The following MEF2C variants were observed in gnomAD, a reference collection of about 807,000 sequenced individuals.
MEF2C encodes myocyte-specific enhancer factor 2C.
Under a neutral mutation model 50.5 loss-of-function variants are expected in MEF2C, and 6 were observed. That is an observed-to-expected ratio of 0.12 (90% confidence interval 0.07 to 0.23). The LOEUF (loss-of-function observed/expected upper bound fraction) is 0.23. Among genes scored for constraint, MEF2C ranks in the 10% least tolerant of loss-of-function variants. The probability of loss-of-function intolerance (pLI) is 1.00; values close to 1 mark genes in which losing one functional copy is unlikely to be tolerated. For missense variants in MEF2C, 276 were observed against 605.0 expected (o/e 0.46, Z 5.70); for synonymous variants, 183 against 228.0 (o/e 0.80, Z 1.78).
At position 88,719,939 on chromosome 5, in the gene MEF2C, A is replaced by C. The variant is rs1276196053; in HGVS notation, c.*2665T>G. The C allele has an allele frequency of 6.6e-6, 1 of 152,170 alleles. No individual in the cohort carries two copies. Among genetic ancestry groups the C allele is most frequent in the Non-Finnish European group, 1.5e-5 (1 of 68,014 alleles). 9.4% of individuals were successfully genotyped at this position (152,170 alleles called of 1,614,324 possible). On this transcript the variant is annotated 3_prime_UTR_variant, in exon 11 of 11. Transcript: ENST00000504921. ...AAGGCTTCTGCTGGTACTTTAGCTTACTTTATCTTCAGCATTAAAAATTCA... is the reference window on the plus strand; with the variant it reads ...AAGGCTTCTGCTGGTACTTTAGCTTCCTTTATCTTCAGCATTAAAAATTCA...
intron 10 of MEF2C, 114 bp from the exon 11 acceptor site, chr5:88,723,039 G>A: frequency 1.0e-6 from 1 of 968,258 alleles, no homozygotes; most frequent in Non-Finnish European, 1.5e-6. Flanking sequence ...AGCATGCCCA[G>A]AGTGAAGAAA....
chr5:88,755,575 G>A (rs1305799752), intron 4 of MEF2C, among the ~76,000 whole-genome samples: 1 of 152,178 alleles, frequency 6.6e-6, no homozygotes, highest in African/African-American at 2.4e-5. Flanking sequence ...ATCTACACTG[G>A]AGTGTCTCAG....
intron 1 of MEF2C, among the ~76,000 whole-genome samples, chr5:88,892,583 G>A (rs1834709156): frequency 6.6e-6 from 1 of 152,220 alleles, no homozygotes; most frequent in South Asian, 2.1e-4. Flanking sequence ...TACCTTGGAA[G>A]AGGTAAAATG....
intron 1 of MEF2C, among the ~76,000 whole-genome samples, chr5:88,828,088 T>C (rs996057102): frequency 2.0e-5 from 3 of 151,976 alleles, no homozygotes; most frequent in Non-Finnish European, 2.9e-5. Flanking sequence ...GGAAATGGCA[T>C]TCTACATAAG....
chr5:88,756,534 C>G (rs1270779434), intron 4 of MEF2C, among the ~76,000 whole-genome samples: 1 of 152,166 alleles, frequency 6.6e-6, no homozygotes, highest in African/African-American at 2.4e-5. Flanking sequence ...GCCTTTCTAT[C>G]AGGAATCTCA....
intron 1 of MEF2C, among the ~76,000 whole-genome samples, chr5:88,835,381 T>C (rs1814671980): frequency 6.6e-6 from 1 of 152,182 alleles, no homozygotes; most frequent in African/African-American, 2.4e-5. Flanking sequence ...TCTCACAGTA[T>C]TGGAAATATT....
chr5:88,731,812 G>C lies in MEF2C; in HGVS notation c.727C>G (p.Pro243Ala), dbSNP rs763969325. ...NKNMQAKSPPPMNLGMNNRKP... is the reference protein window; with the variant it reads ...NKNMQAKSPPAMNLGMNNRKP... The stretch of plus-strand genomic sequence containing the variant: ...CGGTTATTCATTCCTAAATTCATTG[G>C]GGGAGGAGATTTTGCTTGCATATTC... Residue 243 changes from proline to alanine, a missense_variant, in exon 7 of 11, where the codon CCA (proline) becomes GCA (alanine). By Grantham distance (27) the Pro-to-Ala change is conservative. Transcript: ENST00000504921. 5 of 1,613,340 alleles carry C rather than the reference G, an allele frequency of 3.1e-6. No individual in the cohort carries two copies. The highest frequency in any genetic ancestry group is 4.2e-6 in the Non-Finnish European group (5 of 1,179,516).
chr5:88,882,239 G>A (rs932541732), intron 1 of MEF2C, among the ~76,000 whole-genome samples: 2 of 152,148 alleles, frequency 1.3e-5, no homozygotes, highest in Non-Finnish European at 2.9e-5. Flanking sequence ...CCAAAGAGAA[G>A]GCAATTTAAG....
intron 10 of MEF2C, among the ~76,000 whole-genome samples, chr5:88,726,395 G>T (rs1346232771): frequency 6.6e-6 from 1 of 152,090 alleles, no homozygotes; most frequent in Non-Finnish European, 1.5e-5. Context: ...AAGTATTGCA[G>T]CTTGGGATTT....
At chr5:88,864,827 C>T (rs1009999860) in intron 1 of MEF2C, among the ~76,000 whole-genome samples, 2 of 150,582 alleles carry the variant, frequency 1.3e-5, no homozygotes, top group South Asian at 2.1e-4. Context: ...AGTGCAATGG[C>T]GCAATCTCGG....
At chr5:88,832,089 C>T (rs1441984656) in intron 1 of MEF2C, among the ~76,000 whole-genome samples, 1 of 152,110 alleles carries the variant, frequency 6.6e-6, no homozygotes, top group African/African-American at 2.4e-5. Context: ...GCTCCAGACA[C>T]AGTGTGTCAA....
At chr5:88,876,993 A>G (rs1253830186) in intron 1 of MEF2C, among the ~76,000 whole-genome samples, 1 of 152,020 alleles carries the variant, frequency 6.6e-6, no homozygotes, top group African/African-American at 2.4e-5. Flanking sequence ...TCTAAAAACA[A>G]GTTTTGGGTA....
At chr5:88,786,009 T>TC (rs1790698808) in intron 3 of MEF2C, among the ~76,000 whole-genome samples, 13 of 152,160 alleles carry the variant, frequency 8.5e-5, no homozygotes, top group Admixed American at 8.5e-4. Flanking sequence ...CGCCTATTCC[T>TC]CTCCATTTTC....
intron 6 of MEF2C, chr5:88,736,099 C>A: frequency 1.0e-6 from 1 of 985,380 alleles, no homozygotes; most frequent in Non-Finnish European, 1.2e-6. Context: ...ATCTCCATAT[C>A]CAATGAGATA....
At chr5:88,783,590 A>G (rs1027273315) in intron 3 of MEF2C, among the ~76,000 whole-genome samples, 5 of 152,170 alleles carry the variant, frequency 3.3e-5, no homozygotes, top group African/African-American at 1.2e-4. Flanking sequence ...AGATCACGCC[A>G]TTGCACTCCA....
At chr5:88,883,556 G>A (rs2150138176), upstream of MEF2C, 1 of 152,100 alleles carries the variant, frequency 6.6e-6, no homozygotes, top group South Asian at 2.1e-4. Flanking sequence ...GGGGTGGTAG[G>A]GAAGACGGAG....
chr5:88,741,214 T>C (rs570730095), intron 6 of MEF2C: 2 of 985,290 alleles, frequency 2.0e-6, no homozygotes, highest in East Asian at 1.1e-4. Flanking sequence ...TGGAACTGCA[T>C]TAAGCTAAAC....
At chr5:88,740,433 CA>C (rs1766103953) in intron 6 of MEF2C, 1 of 985,300 alleles carries the variant, frequency 1.0e-6, no homozygotes, top group Non-Finnish European at 1.2e-6. Context: ...AACATTTTCT[CA>C]TTTGTCCTAA....
chr5:88,789,129 TAA>T (rs1378664752), intron 3 of MEF2C, among the ~76,000 whole-genome samples: 8 of 152,062 alleles, frequency 5.3e-5, no homozygotes, highest in African/African-American at 1.9e-4. Context: ...ATTATTAAAA[TAA>T]GTTACTATTA....
Sources: allele counts gnomAD v4.1 joint callset (sites outside exome capture counted in the v4.1 genomes callset), GRCh38; gene constraint gnomAD v4.1.1; transcripts MANE v1.5; gene names NCBI Gene and HGNC (gene_info 2026-07-23, HGNC 2026-07-21).